CSNK1G2: variants seen among roughly 807,000 people sequenced by gnomAD.
CSNK1G2 encodes the protein casein kinase I isoform gamma-2.
CSNK1G2 carries 11 observed loss-of-function variants against 48.0 expected under a neutral mutation model. That is an observed-to-expected ratio of 0.23 (90% CI 0.14 to 0.38). The LOEUF is 0.38. CSNK1G2 is among the 10% of genes least tolerant of loss of function. The probability of loss-of-function intolerance (pLI) is 1.00; values close to 1 mark genes in which losing one functional copy is unlikely to be tolerated. For missense variants in CSNK1G2, 446 were observed against 595.5 expected (o/e 0.75, Z 2.61); for synonymous variants, 337 against 254.1 (o/e 1.33, Z -3.10).
At chr19:1,960,660 G>C (rs2015168263) in intron 1 of CSNK1G2, among the ~76,000 whole-genome samples, 1 of 152,214 alleles carries the variant, frequency 6.6e-6, no homozygotes, top group African/African-American at 2.4e-5. Flanking sequence ...GGCTAAGGTG[G>C]GTGGATCACT....
At chr19:1,956,912 C>T (rs547113216) in intron 1 of CSNK1G2, among the ~76,000 whole-genome samples, 1 of 152,200 alleles carries the variant, frequency 6.6e-6, no homozygotes, top group Non-Finnish European at 1.5e-5. Flanking sequence ...TGGGTTAATT[C>T]AGTTAATCAC....
At chr19:1,965,065 G>A (rs1419863974) in intron 1 of CSNK1G2, among the ~76,000 whole-genome samples, 1 of 149,004 alleles carries the variant, frequency 6.7e-6, no homozygotes, top group Non-Finnish European at 1.5e-5. Context: ...CACTGACAAC[G>A]CACCTGGTCA....
rs781722961 is a variant in CSNK1G2, at chr19:1,978,572, G to C, written c.299-30G>C. The C allele has an allele frequency of 2.5e-6, 4 of 1,573,876 alleles. No homozygotes were observed. The East Asian group carries it at 7.0e-5, about 27-fold the overall frequency. On this transcript the variant is annotated intron_variant, in intron 4 of 11. Coordinates refer to ENST00000255641, the MANE Select transcript of CSNK1G2 (RefSeq NM_001319.7). This position sits in a 1 kb window ranked among gnomAD's most constrained non-coding sequence, Gnocchi z 7.3. ...CAGGGGCAGGGAGGGGGCTGCCGCC[G>C]CACGCCCGTGCGTCTGTCCTCCGCC...
chr19:1,950,917 G>A (rs1470588832), intron 1 of CSNK1G2, among the ~76,000 whole-genome samples: 3 of 146,062 alleles, frequency 2.1e-5, no homozygotes, highest in South Asian at 2.2e-4. Flanking sequence ...TGAGCTGGGC[G>A]TTTATTCGCC....
At chr19:1,959,634 T>G (rs1488352288) in intron 1 of CSNK1G2, among the ~76,000 whole-genome samples, 1 of 131,086 alleles carries the variant, frequency 7.6e-6, no homozygotes, top group African/African-American at 3.6e-5. Context: ...CCACCTTTAG[T>G]GCCACCGTGG....
rs1481109124 is a variant in CSNK1G2, at chr19:1,978,980, G to A, written c.569G>A (p.Gly190Glu). 1 of 1,599,742 alleles carries A rather than the reference G, an allele frequency of 6.3e-7. No homozygotes were observed. The highest frequency in any genetic ancestry group is 8.5e-7 in the Non-Finnish European group (1 of 1,179,668). ...CATGCCATCCACATCATCGACTTCGGGCTGGCCAAGGAGTACATCGACCCC... is the reference window on the plus strand; with the variant it reads ...CATGCCATCCACATCATCGACTTCGAGCTGGCCAAGGAGTACATCGACCCC... ...RQHAIHIIDF[G>E]LAKEYIDPET... Residue 190 changes from glycine (G) to glutamate (E), a missense_variant, in exon 6 of 12, where the codon GGG (glycine) becomes GAG (glutamate). Transcript: ENST00000255641. The surrounding 1 kb of genome is among the most constrained non-coding windows in gnomAD (Gnocchi z 7.3).
intron 2 of CSNK1G2, among the ~76,000 whole-genome samples, chr19:1,977,248 C>T (rs1019332212): frequency 1.3e-5 from 2 of 152,202 alleles, no homozygotes; most frequent in African/African-American, 2.4e-5. Flanking sequence ...ACGTTCATGC[C>T]TGTCGTCTGG....
intron 1 of CSNK1G2, among the ~76,000 whole-genome samples, chr19:1,945,217 G>A (rs1345779180): frequency 1.3e-5 from 2 of 152,364 alleles, no homozygotes; most frequent in Middle Eastern, 6.8e-3. Flanking sequence ...CAGGTGCAGC[G>A]TGAGCTGTGT....
intron 1 of CSNK1G2, among the ~76,000 whole-genome samples, chr19:1,964,292 T>TA (rs538395335): frequency 0.035 from 4,824 of 138,266 alleles, 238 homozygotes; most frequent in African/African-American, 0.11. Context: ...GACCCTGTGT[T>TA]AAAAAAAAAA....
At chr19:1,962,797 A>T (rs2015241559) in intron 1 of CSNK1G2, among the ~76,000 whole-genome samples, 2 of 151,934 alleles carry the variant, frequency 1.3e-5, no homozygotes, top group African/African-American at 2.4e-5. Flanking sequence ...AGATGCACAG[A>T]TCTCCCATCC....
intron 1 of CSNK1G2, among the ~76,000 whole-genome samples, chr19:1,955,127 C>T (rs2014937601): frequency 6.6e-6 from 1 of 152,164 alleles, no homozygotes; most frequent in African/African-American, 2.4e-5. Flanking sequence ...TGGACGGGTG[C>T]TGGGCCCTGA....
intron 1 of CSNK1G2, among the ~76,000 whole-genome samples, chr19:1,965,768 G>C (rs999219824): frequency 6.6e-6 from 1 of 152,036 alleles, no homozygotes; most frequent in Non-Finnish European, 1.5e-5. Context: ...CAAAGTGCTG[G>C]GACTACAGGC....
At chr19:1,976,698 G>T (rs1378095868) in intron 2 of CSNK1G2, among the ~76,000 whole-genome samples, 4 of 151,854 alleles carry the variant, frequency 2.6e-5, no homozygotes, top group African/African-American at 4.8e-5. Context: ...TGCCAGTCCA[G>T]CTGCAGCAGG....
intron 2 of CSNK1G2, chr19:1,975,985 T>C: frequency 9.4e-7 from 1 of 1,062,368 alleles, no homozygotes; most frequent in Non-Finnish European, 1.3e-6. Flanking sequence ...CAGTGAGCCG[T>C]GATCGCGCCA....
chr19:1,965,324 A>G (rs564256455), intron 1 of CSNK1G2, among the ~76,000 whole-genome samples: 35 of 150,234 alleles, frequency 2.3e-4, no homozygotes, highest in African/African-American at 8.5e-4. Flanking sequence ...CGGAGGTTGC[A>G]GTGAGCCGAG....
At position 1,959,629 on chromosome 19, in the gene CSNK1G2, T is replaced by C; in HGVS notation, c.-265-9879T>C. On this transcript the variant is annotated intron_variant, in intron 1 of 11. Coordinates refer to ENST00000255641, the MANE Select transcript of CSNK1G2 (RefSeq NM_001319.7). Reference sequence around the variant, plus strand: ...TGAGTCCCCCAGCACCCGTGCCACCTTTAGTGCCACCGTGGGTCCCCCAGC... The same window carrying C: ...TGAGTCCCCCAGCACCCGTGCCACCCTTAGTGCCACCGTGGGTCCCCCAGC... 1.6e-5 allele frequency among the ~76,000 whole-genome samples: 2 copies of C among 125,122 alleles called. 1 individual carries two copies. The highest frequency in any genetic ancestry group is 7.7e-5 in the African/African-American group (2 of 25,940). 82.1% of individuals were successfully genotyped at this position (125,122 alleles called of 152,430 possible). A position where few individuals can be genotyped will look rare whatever the true frequency, so the allele number is the denominator to read the frequency against.
intron 1 of CSNK1G2, among the ~76,000 whole-genome samples, 152 bp from the exon 2 acceptor site, chr19:1,969,356 C>T (rs1036733778): frequency 1.8e-4 from 27 of 151,994 alleles, no homozygotes; most frequent in African/African-American, 5.8e-4. Context: ...AGCTGGGTTC[C>T]GGGCAGGGAC....
Position 1,978,360 on chromosome 19 carries a change from C to T in CSNK1G2, c.228+15C>T, listed in dbSNP as rs1161507600. The stretch of plus-strand genomic sequence containing the variant: ...CTATCAAATTGGTGAGTCGGCCCCT[C>T]CACCCCACCCCCGCTGACGTGCCCC... On this transcript the variant is annotated intron_variant, in intron 3 of 11. Transcript: ENST00000255641. This position sits in a 1 kb window ranked among gnomAD's most constrained non-coding sequence, Gnocchi z 7.3. 1.2e-6 allele frequency: 2 copies of T among 1,612,922 alleles called. No homozygotes were observed. The highest frequency in any genetic ancestry group is 2.2e-5 in the East Asian group (1 of 44,872).
intron 1 of CSNK1G2, chr19:1,968,754 T>TC (rs1265770373): frequency 1.3e-5 from 2 of 152,622 alleles, no homozygotes; most frequent in Non-Finnish European, 2.9e-5. Context: ...GGCTGTTGGC[T>TC]CCGCTGGTCC....
Sources: gnomAD v4.1 joint callset for allele counts (sites outside exome capture counted in the v4.1 genomes callset) on GRCh38, gnomAD v4.1.1 for gene constraint, Gnocchi (gnomAD v3.1) non-coding constraint, MANE v1.5 for transcripts, NCBI Gene and HGNC (gene_info 2026-07-23, HGNC 2026-07-21) for gene names.